Variants in ZNF429 observed in about 807,000 individuals in gnomAD.
ZNF429 encodes zinc finger protein 429.
ZNF429 carries 53 observed loss-of-function variants against 56.8 expected under a neutral mutation model. The observed-to-expected ratio is 0.93, with a 90% CI of 0.75 to 1.17. The LOEUF (loss-of-function observed/expected upper bound fraction) is 1.17. ZNF429 is among the 50% of genes most tolerant of loss of function. The pLI is 0.00. For missense variants in ZNF429, 849 were observed against 788.4 expected, an observed-to-expected ratio of 1.08 and a Z score of -0.92; for synonymous variants, 278 against 264.7, an observed-to-expected ratio of 1.05 and a Z score of -0.49.
chr19:21,531,115 A>AAACAAAAC lies in ZNF429; in HGVS notation c.226+433_226+434insCAAAACAA. Reference sequence around the variant, plus strand: ...GAGTGAAACTCCATCTCAAAAAAAAAAAAAAAAAAAAAAACCAAAAAAAAA... The same window carrying AAACAAAAC: ...GAGTGAAACTCCATCTCAAAAAAAAAAACAAAACAAAAAAAAAAAAAACCAAAAAAAAA... On this transcript the variant is annotated intron_variant, in intron 3 of 3. Coordinates refer to ENST00000358491, the MANE Select transcript of ZNF429 (RefSeq NM_001001415.4). Among the ~76,000 whole-genome samples the AAACAAAAC allele has an allele frequency of 1.9e-3, 226 of 119,858 alleles. 1 individual carries two copies. The highest frequency in any genetic ancestry group is 7.7e-3 in the African/African-American group (213 of 27,572). The allele number at this position is 119,858 out of a possible 152,430, so 78.6% of individuals were successfully genotyped here.
chr19:21,529,547 C>G (rs919076556), intron 1 of ZNF429, 111 bp from the exon 2 acceptor site: 9 of 1,276,854 alleles, frequency 7.0e-6, no homozygotes, highest in Non-Finnish European at 9.1e-6. Context: ...AAGCAGTTCT[C>G]TTTACTCTCT....
chr19:21,511,864 TAGG>T (rs1049223070), intron 1 of ZNF429, among the ~76,000 whole-genome samples: 2 of 152,078 alleles, frequency 1.3e-5, no homozygotes, highest in African/African-American at 4.8e-5. Context: ...CACTCACGGT[TAGG>T]AGCTGGAGAC....
At chr19:21,535,287 A>ATTTCTTTCCTTCTTTCTTTCTTTC in intron 3 of ZNF429, among the ~76,000 whole-genome samples, 1 of 54,934 alleles carries the variant, frequency 1.8e-5, no homozygotes, top group Admixed American at 1.7e-4. Context: ...GTATACCACC[A>ATTTCTTTCCTTCTTTCTTTCTTTC]TTTCTTTCCT....
intron 1 of ZNF429, among the ~76,000 whole-genome samples, chr19:21,524,775 G>A (rs1330017239): frequency 6.6e-6 from 1 of 152,174 alleles, no homozygotes; most frequent in African/African-American, 2.4e-5. Context: ...GCAGAACTGT[G>A]TCAGGATGAT....
At chr19:21,523,551 C>A (rs1054320521) in intron 1 of ZNF429, among the ~76,000 whole-genome samples, 1 of 152,358 alleles carries the variant, frequency 6.6e-6, no homozygotes, top group South Asian at 2.1e-4. Flanking sequence ...AGCCCATACT[C>A]TAAACCCTAA....
intron 3 of ZNF429, among the ~76,000 whole-genome samples, chr19:21,531,542 GTC>G: frequency 6.6e-6 from 1 of 152,166 alleles, no homozygotes; most frequent in Non-Finnish European, 1.5e-5. Flanking sequence ...GGTGGCTCAT[GTC>G]TATAATCCCA....
At position 21,537,744 on chromosome 19, in the gene ZNF429, C is replaced by G; in HGVS notation, c.1691C>G (p.Pro564Arg). The G allele has an allele frequency of 6.2e-7, 1 of 1,613,496 alleles. No individual in the cohort carries two copies. The highest frequency in any genetic ancestry group is 8.5e-7 in the Non-Finnish European group (1 of 1,179,950). Residue 564 changes from proline (P) to arginine (R), a missense_variant, in exon 4 of 4, where the codon CCC (proline) becomes CGC (arginine). By Grantham distance (103) the Pro-to-Arg change is moderately radical. Transcript: ENST00000358491. ...QHKKIHTGEK[P>R]YKCKQCDKAF... ...AAGAAAATTCATACTGGAGAGAAAC[C>G]CTACAAATGTAAACAATGTGACAAA... is the stretch of plus-strand genomic sequence containing the variant.
In ZNF429 at chr19:21,505,722, A is replaced by C. The variant is rs1390358150; in HGVS notation, c.-50A>C. 6.2e-7 allele frequency: 1 copy of C among 1,601,292 alleles called. No homozygotes were observed. The highest frequency in any genetic ancestry group is 1.1e-5 in the South Asian group (1 of 90,572). ...GCCTGTGTGGCCCTGTGACCCGCAG[A>C]TATTGGGAGATACACAGCTAAGACT... On this transcript the variant is annotated 5_prime_UTR_variant, in exon 1 of 4. Transcript: ENST00000358491.
chr19:21,535,458 TTCTTTCTTTCTTTC>T, intron 3 of ZNF429, among the ~76,000 whole-genome samples: 2 of 85,676 alleles, frequency 2.3e-5, no homozygotes, highest in East Asian at 2.5e-4. Context: ...CTTTCTTTCT[TTCTTTCTTTCTTTC>T]TTTCTTTCTT....
rs531564846 is a variant in ZNF429 at position 21,538,622 on chromosome 19, G to T, written c.*544G>T. ...CTAAAAAATATATAAATAAATAAAA[G>T]AAAGAAAATTCATAGTAGAGAGAAA... is the stretch of plus-strand genomic sequence containing the variant. On this transcript the variant is annotated 3_prime_UTR_variant, in exon 4 of 4. Transcript: ENST00000358491. 1 of 151,798 alleles carries T rather than the reference G, an allele frequency of 6.6e-6. No homozygotes were observed. Among genetic ancestry groups the T allele is most frequent in the South Asian group, 2.1e-4 (1 of 4,812 alleles). The allele number at this position is 151,798 out of a possible 1,614,324, so 9.4% of individuals were successfully genotyped here. A position where few individuals can be genotyped will look rare whatever the true frequency, so the allele number is the denominator to read the frequency against.
intron 1 of ZNF429, among the ~76,000 whole-genome samples, chr19:21,525,968 A>T (rs760179722): frequency 7.9e-5 from 12 of 152,306 alleles, no homozygotes; most frequent in Non-Finnish European, 1.6e-4. Flanking sequence ...ACAGTATGTT[A>T]TGCCCAGCAC....
intron 1 of ZNF429, among the ~76,000 whole-genome samples, chr19:21,506,825 A>C (rs1428121540): frequency 3.8e-5 from 5 of 131,774 alleles, no homozygotes; most frequent in Non-Finnish European, 7.6e-5. Flanking sequence ...TCTGGACTGC[A>C]GTGGCGCGAT....
At chr19:21,535,100 T>TA in intron 3 of ZNF429, among the ~76,000 whole-genome samples, 1 of 151,108 alleles carries the variant, frequency 6.6e-6, no homozygotes, top group African/African-American at 2.4e-5. Context: ...GTGCTGGGAT[T>TA]ACAGGCGTGA....
rs1479427455 is a variant in ZNF429 at position 21,529,696 on chromosome 19, T to C, written c.42T>C (p.Ser14=). Residue 14 remains serine, a synonymous_variant, in exon 2 of 4, where the codon TCT becomes TCC. Coordinates refer to ENST00000358491, the MANE Select transcript of ZNF429 (RefSeq NM_001001415.4). The part of the protein sequence containing the change: ...LTFTDVAIEF[S]LEEWQCLDTA... ...TTACAGATGTGGCCATAGAATTCTCTCTGGAGGAGTGGCAGTGCCTGGACA... is the reference window on the plus strand; with the variant it reads ...TTACAGATGTGGCCATAGAATTCTCCCTGGAGGAGTGGCAGTGCCTGGACA... 5.0e-6 allele frequency: 8 copies of C among 1,600,344 alleles called. No homozygotes were observed. Among genetic ancestry groups the C allele is most frequent in the East Asian group, 2.3e-5 (1 of 44,336 alleles).
chr19:21,536,336 T>C lies in ZNF429; in HGVS notation c.283T>C (p.Phe95Leu), dbSNP rs763165846. 3 of 1,610,170 alleles carry C rather than the reference T, an allele frequency of 1.9e-6. No homozygotes were observed. The highest frequency in any genetic ancestry group is 1.1e-5 in the South Asian group (1 of 90,592). ...GCCAGAGCAAGACATAAAAGATTCT[T>C]TCCAAAAAGTGACACTGAGGAGATA... is the stretch of plus-strand genomic sequence containing the variant. ...FWPEQDIKDSFQKVTLRRYDK... is the reference protein window; with the variant it reads ...FWPEQDIKDSLQKVTLRRYDK... The change falls in exon 4 of 4, where the codon TTC becomes CTC. Residue 95 changes from phenylalanine (F) to leucine (L), a missense_variant. Coordinates refer to ENST00000358491, the MANE Select transcript of ZNF429 (RefSeq NM_001001415.4).
intron 1 of ZNF429, among the ~76,000 whole-genome samples, chr19:21,506,954 G>C (rs2032203661): frequency 6.6e-6 from 1 of 151,966 alleles, no homozygotes; most frequent in African/African-American, 2.4e-5. Flanking sequence ...TTTTAGTAGA[G>C]ACGGGGTTTC....
intron 1 of ZNF429, among the ~76,000 whole-genome samples, chr19:21,523,032 A>G (rs553296380): frequency 6.6e-6 from 1 of 152,142 alleles, no homozygotes; most frequent in African/African-American, 2.4e-5. Context: ...CAACCATTTT[A>G]CCTCTTTCAA....
At chr19:21,507,872 A>G (rs2032255719) in intron 1 of ZNF429, among the ~76,000 whole-genome samples, 1 of 152,188 alleles carries the variant, frequency 6.6e-6, no homozygotes, top group African/African-American at 2.4e-5. Flanking sequence ...TCTTTGGGCC[A>G]CATTGCTGGT....
chr19:21,511,402 T>G, intron 1 of ZNF429, among the ~76,000 whole-genome samples: 1 of 146,494 alleles, frequency 6.8e-6, no homozygotes, highest in African/African-American at 2.6e-5. Context: ...CCAGACAGGG[T>G]CACGGCCGGG....
Sources: allele counts gnomAD v4.1 joint callset (sites outside exome capture counted in the v4.1 genomes callset), GRCh38; gene constraint gnomAD v4.1.1; transcripts MANE v1.5; gene names NCBI Gene and HGNC (gene_info 2026-07-23, HGNC 2026-07-21).